Variants in CPE observed in about 807,000 individuals in gnomAD.
The protein encoded by CPE is carbocypeptidase E.
A neutral mutation model predicts 53.5 loss-of-function variants in CPE; 17 were observed. The observed-to-expected ratio is 0.32, with a 90% CI of 0.22 to 0.48. The LOEUF is 0.48. CPE is among the 20% of genes least tolerant of loss of function. CPE has a pLI of 0.99. For synonymous variants in CPE, 226 were observed against 228.8 expected, an observed-to-expected ratio of 0.99 and a Z score of 0.11; for missense variants, 524 against 614.7, an observed-to-expected ratio of 0.85 and a Z score of 1.56.
chr4:165,404,331 G>A (rs891719239), intron 1 of CPE: 27 of 771,800 alleles, frequency 3.5e-5, no homozygotes, highest in East Asian at 2.4e-4. Flanking sequence ...GTCAGCAGGC[G>A]GAACTGGATG....
intron 6 of CPE, among the ~76,000 whole-genome samples, chr4:165,491,618 TA>T (rs2126716741): frequency 6.6e-6 from 1 of 152,338 alleles, no homozygotes; most frequent in South Asian, 2.1e-4. Flanking sequence ...CTTAAATTTT[TA>T]AAAATATATT....
At chr4:165,470,872 A>G (rs1255744830) in intron 3 of CPE, among the ~76,000 whole-genome samples, 2 of 152,072 alleles carry the variant, frequency 1.3e-5, no homozygotes, top group African/African-American at 2.4e-5. Flanking sequence ...GGATGGCTCC[A>G]TGGGTTGGTA....
At chr4:165,405,397 A>G (rs1730936715) in intron 1 of CPE, 3 of 1,030,856 alleles carry the variant, frequency 2.9e-6, no homozygotes, top group Admixed American at 3.4e-5. Context: ...TCTGAGATTC[A>G]GAGAGATAAC....
At position 165,379,317 on chromosome 4, in the gene CPE, G is replaced by C. The variant is rs1426786109; in HGVS notation, c.96G>C (p.Ala32=). The change falls in exon 1 of 9, where the codon GCG becomes GCC. Residue 32 remains alanine (A), a synonymous_variant. Transcript: ENST00000402744. The surrounding 1 kb of genome is among the most constrained non-coding windows in gnomAD (Gnocchi z 6.0). The part of the protein sequence containing the change: ...LLGAEAQEPG[A]PAAGMRRRRR... Reference sequence around the variant, plus strand: ...GCGCCGAAGCCCAGGAGCCCGGGGCGCCCGCGGCGGGCATGAGGCGGCGCC... The same window carrying C: ...GCGCCGAAGCCCAGGAGCCCGGGGCCCCCGCGGCGGGCATGAGGCGGCGCC... 9.6e-6 allele frequency: 15 copies of C among 1,558,894 alleles called. No homozygotes were observed. The highest frequency in any genetic ancestry group is 1.3e-5 in the Non-Finnish European group (15 of 1,157,600).
chr4:165,488,300 A>G (rs1292612466), intron 6 of CPE, among the ~76,000 whole-genome samples: 1 of 152,188 alleles, frequency 6.6e-6, no homozygotes, highest in African/African-American at 2.4e-5. Context: ...CTATTTCCAG[A>G]ATCACCATGC....
chr4:165,413,661 A>T (rs1239829638), intron 1 of CPE, among the ~76,000 whole-genome samples: 2 of 152,212 alleles, frequency 1.3e-5, no homozygotes, highest in Non-Finnish European at 2.9e-5. Context: ...TGAGAAATTG[A>T]TGTGTAAATA....
chr4:165,433,855 A>G (rs895306922), intron 1 of CPE, among the ~76,000 whole-genome samples: 1 of 152,062 alleles, frequency 6.6e-6, no homozygotes, highest in Non-Finnish European at 1.5e-5. Flanking sequence ...TGCATTCACA[A>G]TGTCTTGCTT....
chr4:165,398,371 C>A (rs1276256635), intron 1 of CPE, among the ~76,000 whole-genome samples: 1 of 151,924 alleles, frequency 6.6e-6, no homozygotes, highest in Non-Finnish European at 1.5e-5. Flanking sequence ...TACACATATA[C>A]ACATATATGT....
chr4:165,480,979 T>C (rs1732396490), intron 3 of CPE, among the ~76,000 whole-genome samples: 1 of 148,502 alleles, frequency 6.7e-6, no homozygotes, highest in African/African-American at 2.5e-5. Flanking sequence ...TGTCTGTCTC[T>C]ACATTTTCTA....
chr4:165,453,929 C>T (rs1160510374), intron 1 of CPE, among the ~76,000 whole-genome samples: 1 of 152,114 alleles, frequency 6.6e-6, no homozygotes, highest in Non-Finnish European at 1.5e-5. Context: ...ACAGAAATGC[C>T]CTCACTTTTT....
intron 1 of CPE, among the ~76,000 whole-genome samples, chr4:165,398,374 A>C (rs1339303576): frequency 6.6e-6 from 1 of 152,160 alleles, no homozygotes; most frequent in Non-Finnish European, 1.5e-5. Flanking sequence ...ACATATACAC[A>C]TATATGTATA....
intron 1 of CPE, among the ~76,000 whole-genome samples, chr4:165,435,704 G>A (rs1004650606): frequency 1.4e-5 from 2 of 145,816 alleles, no homozygotes; most frequent in Non-Finnish European, 3.0e-5. Flanking sequence ...ATAATAATAC[G>A]TGTGCTGACA....
chr4:165,456,284 G>T (rs1453305615), intron 1 of CPE, among the ~76,000 whole-genome samples: 1 of 152,064 alleles, frequency 6.6e-6, no homozygotes, highest in Admixed American at 6.6e-5. Flanking sequence ...ATACTCTCGT[G>T]AGTCAGTAAC....
chr4:165,428,960 T>C (rs1177823427), intron 1 of CPE, among the ~76,000 whole-genome samples: 1 of 152,200 alleles, frequency 6.6e-6, no homozygotes, highest in Non-Finnish European at 1.5e-5. Flanking sequence ...GATTAGGGCA[T>C]GGATATCTGT....
intron 5 of CPE, among the ~76,000 whole-genome samples, chr4:165,486,777 C>T (rs1159765267): frequency 1.3e-5 from 2 of 152,158 alleles, no homozygotes; most frequent in African/African-American, 4.8e-5. Flanking sequence ...CCTCTGTCCC[C>T]TTTGGTTTAT....
chr4:165,455,653 GTA>G (rs1391903419), intron 1 of CPE, among the ~76,000 whole-genome samples: 2,581 of 144,500 alleles, frequency 0.018, 54 homozygotes, highest in African/African-American at 0.065. Flanking sequence ...CAAGTCAAAG[GTA>G]TTTTTTTTTT....
At chr4:165,451,601 C>T (rs1731811151) in intron 1 of CPE, among the ~76,000 whole-genome samples, 1 of 152,250 alleles carries the variant, frequency 6.6e-6, no homozygotes, top group African/African-American at 2.4e-5. Context: ...AAGTGATTCT[C>T]CTGCCTCAGC....
intron 1 of CPE, among the ~76,000 whole-genome samples, chr4:165,431,889 T>G (rs1220214375): frequency 1.3e-5 from 2 of 152,222 alleles, no homozygotes; most frequent in East Asian, 3.9e-4. Flanking sequence ...CATTCCTATG[T>G]GTGTTAATAG....
At chr4:165,426,222 T>A (rs1185620670) in intron 1 of CPE, among the ~76,000 whole-genome samples, 1 of 152,246 alleles carries the variant, frequency 6.6e-6, no homozygotes, top group Non-Finnish European at 1.5e-5. Context: ...CAAGCTTTAT[T>A]TCTGTATTTC....
Sources: allele counts gnomAD v4.1 joint callset (sites outside exome capture counted in the v4.1 genomes callset), GRCh38; gene constraint gnomAD v4.1.1; non-coding constraint Gnocchi (gnomAD v3.1); transcripts MANE v1.5; gene names NCBI Gene and HGNC (gene_info 2026-07-23, HGNC 2026-07-21).